The following NRG1 variants were observed in gnomAD, a reference collection of about 807,000 sequenced individuals.
NRG1 encodes the protein pro-neuregulin-1, membrane-bound isoform.
A neutral mutation model predicts 63.8 loss-of-function variants in NRG1; 18 were observed. The observed-to-expected ratio is 0.28, with a 90% CI of 0.19 to 0.42. The LOEUF is 0.42. Among genes scored for constraint, NRG1 ranks in the 10% least tolerant of loss-of-function variants. The pLI is 1.00. For missense variants in NRG1, 762 were observed against 814.7 expected (o/e 0.94, Z 0.79); for synonymous variants, 302 against 301.3 (o/e 1.00, Z -0.02).
chr8:32,732,222 A>T (rs1467869411), intron 6 of NRG1, among the ~76,000 whole-genome samples: 1 of 152,180 alleles, frequency 6.6e-6, no homozygotes, highest in East Asian at 1.9e-4. Context: ...ACTATTCCAG[A>T]TTATAAAAAG....
intron 5 of NRG1, among the ~76,000 whole-genome samples, chr8:32,701,885 G>A (rs1814987225): frequency 6.6e-6 from 1 of 152,136 alleles, no homozygotes; most frequent in African/African-American, 2.4e-5. Context: ...ACATTTGAAA[G>A]TCCATAAACT....
intron 1 of NRG1, among the ~76,000 whole-genome samples, chr8:31,826,495 T>C (rs1824577301): frequency 6.6e-6 from 1 of 152,226 alleles, no homozygotes; most frequent in Admixed American, 6.5e-5. Flanking sequence ...TCCGCCATAA[T>C]TGTGAGGCCT....
chr8:32,280,698 T>G lies in NRG1; in HGVS notation c.38-315130T>G, dbSNP rs535796170. 9.1e-3 allele frequency among the ~76,000 whole-genome samples: 1,211 copies of G among 133,184 alleles called. 12 individuals are homozygous for G. The highest frequency in any genetic ancestry group is 0.031 in the African/African-American group (1,139 of 36,242). 87.4% of individuals were successfully genotyped at this position (133,184 alleles called of 152,430 possible). A position where few individuals can be genotyped will look rare whatever the true frequency, so the allele number is the denominator to read the frequency against. ...GAATTAGGTTTTTTTTTTGTTTTTT[T>G]TTTTTTTTTTTTTTTTCAGATAAAC... On this transcript the variant is annotated intron_variant, in intron 1 of 10. Transcript: ENST00000519301.
intron 1 of NRG1, among the ~76,000 whole-genome samples, chr8:32,410,564 G>A (rs1372431704): frequency 6.6e-6 from 1 of 152,154 alleles, no homozygotes; most frequent in Non-Finnish European, 1.5e-5. Context: ...TCTTAGAAAG[G>A]TGCATGATTC....
Position 31,866,411 on chromosome 8 carries a change from C to T in NRG1, c.37+226980C>T, listed in dbSNP as rs116447299. Among the ~76,000 whole-genome samples, 1,045 of 152,118 alleles carry T rather than the reference C, an allele frequency of 6.9e-3. 15 individuals carry two copies. Among genetic ancestry groups the T allele is most frequent in the African/African-American group, 0.022 (933 of 41,512 alleles). On this transcript the variant is annotated intron_variant, in intron 1 of 10. Transcript: ENST00000519301. Reference sequence around the variant, plus strand: ...GACAGAACCAAAAGCAGTTTTTAAACGATAATCTTTTTTTATTTTTTTACT... The same window carrying T: ...GACAGAACCAAAAGCAGTTTTTAAATGATAATCTTTTTTTATTTTTTTACT...
chr8:32,131,472 TC>T (rs1361378970), intron 1 of NRG1, among the ~76,000 whole-genome samples: 3 of 152,052 alleles, frequency 2.0e-5, no homozygotes, highest in Non-Finnish European at 4.4e-5. Flanking sequence ...TACCCAGTTA[TC>T]ACTCAAGTGT....
At chr8:32,754,559 C>A in intron 8 of NRG1, 85 bp downstream of exon 8, 1 of 1,227,134 alleles carries the variant, frequency 8.1e-7, no homozygotes, top group Non-Finnish European at 1.2e-6. Context: ...CTGAGCTCCA[C>A]AGCCTAGTCT....
chr8:31,643,773 C>A (rs1804029551), intron 1 of NRG1, among the ~76,000 whole-genome samples: 1 of 152,178 alleles, frequency 6.6e-6, no homozygotes, highest in Non-Finnish European at 1.5e-5. Context: ...TCAAACAAGT[C>A]ATTGTTTGAT....
At chr8:31,681,398 A>G (rs1238951105) in intron 1 of NRG1, among the ~76,000 whole-genome samples, 1 of 152,060 alleles carries the variant, frequency 6.6e-6, no homozygotes, top group Non-Finnish European at 1.5e-5. Context: ...GAAAACACAA[A>G]TGGCTAAAAC....
intron 3 of NRG1, among the ~76,000 whole-genome samples, chr8:32,607,049 C>A (rs1845399826): frequency 6.6e-6 from 1 of 152,112 alleles, no homozygotes; most frequent in South Asian, 2.1e-4. Flanking sequence ...ATGTCTCCCT[C>A]CATAGAGAGT....
At chr8:32,772,100 A>T (rs1831866858), downstream of NRG1, among the ~76,000 whole-genome samples, 1 of 145,110 alleles carries the variant, frequency 6.9e-6, no homozygotes, top group African/African-American at 2.5e-5. Context: ...AAATCCCACC[A>T]AAAGTCTGCA....
At chr8:31,959,886 T>G (rs370387320) in intron 1 of NRG1, among the ~76,000 whole-genome samples, 1 of 151,764 alleles carries the variant, frequency 6.6e-6, no homozygotes, top group East Asian at 1.9e-4. Flanking sequence ...CTTGAAGTCC[T>G]GGCCCCAAGT....
chr8:32,334,895 C>G (rs1803065499), intron 1 of NRG1, among the ~76,000 whole-genome samples: 1 of 152,144 alleles, frequency 6.6e-6, no homozygotes. Context: ...GCAGGTTGAA[C>G]TCAGACTCCT....
intron 5 of NRG1, among the ~76,000 whole-genome samples, chr8:32,657,018 G>C (rs1801659375): frequency 6.6e-6 from 1 of 151,822 alleles, no homozygotes; most frequent in Admixed American, 6.6e-5. Context: ...AGTTAGCACA[G>C]AATTTAATAT....
chr8:32,520,237 C>T (rs182755146), intron 1 of NRG1, among the ~76,000 whole-genome samples: 1 of 152,174 alleles, frequency 6.6e-6, no homozygotes, highest in African/African-American at 2.4e-5. Context: ...TTTCAGCTCA[C>T]TGCAGCCTCC....
In NRG1 at chr8:31,905,398, C is replaced by CA. The variant is rs560459443; in HGVS notation, c.37+265971dup. 5.2e-3 allele frequency among the ~76,000 whole-genome samples: 799 copies of CA among 152,260 alleles called. 2 individuals carry two copies. Among genetic ancestry groups the CA allele is most frequent in the Non-Finnish European group, 8.5e-3 (575 of 68,016 alleles). On this transcript the variant is annotated intron_variant, in intron 1 of 10. Transcript: ENST00000519301. ...TGTCAAACACTTGAGTTTCTGGAGA[C>CA]AAAACTCCCTCTTCTAAGAAAATCA... is the stretch of plus-strand genomic sequence containing the variant.
At chr8:32,137,386 G>A (rs10112879) in intron 1 of NRG1, among the ~76,000 whole-genome samples, 3,320 of 152,202 alleles carry the variant, frequency 0.022, 132 homozygotes, top group African/African-American at 0.076. Flanking sequence ...AGGTTGCAAT[G>A]AGCCGAGATT....
chr8:32,500,171 A>G (rs1827690942), intron 1 of NRG1, among the ~76,000 whole-genome samples: 1 of 152,190 alleles, frequency 6.6e-6, no homozygotes, highest in African/African-American at 2.4e-5. Context: ...AAGAATAGTA[A>G]TTTAGCACGT....
At chr8:32,292,736 T>C (rs1854349797) in intron 1 of NRG1, among the ~76,000 whole-genome samples, 1 of 152,074 alleles carries the variant, frequency 6.6e-6, no homozygotes, top group Admixed American at 6.6e-5. Context: ...TTCCACTACA[T>C]TGAGAGACAT....
Sources: allele counts gnomAD v4.1 joint callset (sites outside exome capture counted in the v4.1 genomes callset), GRCh38; gene constraint gnomAD v4.1.1; transcripts MANE v1.5; gene names NCBI Gene and HGNC (gene_info 2026-07-23, HGNC 2026-07-21).